Variants in BNC2 observed in about 807,000 individuals in gnomAD.
BNC2 encodes zinc finger protein basonuclin-2.
In BNC2, 20 loss-of-function variants were observed where a neutral mutation model predicts 76.3. The ratio of observed to expected loss-of-function variants is 0.26; its 90% CI spans 0.18 to 0.38. The LOEUF (loss-of-function observed/expected upper bound fraction) is 0.38. Among genes scored for constraint, BNC2 ranks in the 10% least tolerant of loss-of-function variants. BNC2 has a pLI of 1.00. For missense variants in BNC2, 1,382 were observed against 1,399.8 expected (o/e 0.99, Z 0.20); for synonymous variants, 582 against 514.8 (o/e 1.13, Z -1.77).
intron 1 of BNC2, among the ~76,000 whole-genome samples, chr9:16,836,052 A>G (rs1412799480): frequency 2.6e-5 from 4 of 152,320 alleles, no homozygotes; most frequent in African/African-American, 7.2e-5. Flanking sequence ...AACACGAGGT[A>G]GTGAGTTTAA....
intron 5 of BNC2, among the ~76,000 whole-genome samples, chr9:16,551,913 T>A (rs1587160536): frequency 6.6e-6 from 1 of 152,224 alleles, no homozygotes; most frequent in East Asian, 1.9e-4. Context: ...AAGGAGACAC[T>A]CAAGGCTGGA....
chr9:16,694,611 G>A (rs939124015), intron 3 of BNC2, among the ~76,000 whole-genome samples: 2 of 152,098 alleles, frequency 1.3e-5, no homozygotes, highest in African/African-American at 4.8e-5. Flanking sequence ...TTCTGCCAAG[G>A]CTCATAATGT....
intron 5 of BNC2, among the ~76,000 whole-genome samples, chr9:16,551,065 T>C (rs140808857): frequency 9.7e-4 from 147 of 152,296 alleles, no homozygotes; most frequent in African/African-American, 3.4e-3. Flanking sequence ...CCAAGACTTA[T>C]CTTCCTACTT....
intron 3 of BNC2, among the ~76,000 whole-genome samples, chr9:16,629,774 C>T (rs920504257): frequency 6.6e-6 from 1 of 152,154 alleles, no homozygotes; most frequent in African/African-American, 2.4e-5. Flanking sequence ...ATCTAAAATA[C>T]TTTATTGCTA....
chr9:16,582,832 A>C (rs1819662379), intron 4 of BNC2, 151 bp downstream of exon 4: 1 of 694,530 alleles, frequency 1.4e-6, no homozygotes. Flanking sequence ...GCTGAATCTT[A>C]ACTAACACTT....
chr9:16,751,680 A>ATG (rs1825212270), intron 1 of BNC2, among the ~76,000 whole-genome samples: 4 of 54,108 alleles, frequency 7.4e-5, no homozygotes, highest in East Asian at 5.8e-4. Flanking sequence ...GTGTATATAT[A>ATG]TATGTATGTG....
chr9:16,528,407 A>G (rs1369092331), intron 5 of BNC2, among the ~76,000 whole-genome samples: 3 of 152,208 alleles, frequency 2.0e-5, no homozygotes, highest in African/African-American at 7.2e-5. Flanking sequence ...TCAACTCAGT[A>G]TATATTGAGC....
intron 1 of BNC2, among the ~76,000 whole-genome samples, chr9:16,847,939 G>C (rs578118665): frequency 3.9e-5 from 6 of 152,284 alleles, no homozygotes; most frequent in African/African-American, 1.4e-4. Context: ...AATCCTGTAA[G>C]AAACCTGTGT....
chr9:16,828,414 A>C (rs1275020866), intron 1 of BNC2, among the ~76,000 whole-genome samples: 2 of 152,194 alleles, frequency 1.3e-5, no homozygotes, highest in African/African-American at 4.8e-5. Flanking sequence ...CTTCCCATGA[A>C]ATGAATATAA....
intron 5 of BNC2, among the ~76,000 whole-genome samples, chr9:16,474,041 C>A (rs1393024964): frequency 6.6e-6 from 1 of 152,168 alleles, no homozygotes; most frequent in Non-Finnish European, 1.5e-5. Context: ...TCTCCAAATT[C>A]TCTGGGTCTT....
Position 16,418,872 on chromosome 9 carries a change from T to TGC in BNC2, c.*115_*116dup, listed in dbSNP as rs891850002. On this transcript the variant is annotated 3_prime_UTR_variant, in exon 7 of 7. Transcript: ENST00000380672. Reference sequence around the variant, plus strand: ...TATGTAGCCACAGAGCATACATAAATGCACACACACACACACACACACACA... The same window carrying TGC: ...TATGTAGCCACAGAGCATACATAAATGCGCACACACACACACACACACACACA... The TGC allele has an allele frequency of 1.1e-3, 583 of 517,726 alleles. 2 individuals carry two copies. The highest frequency in any genetic ancestry group is 1.4e-3 in the Non-Finnish European group (504 of 363,154). The allele number at this position is 517,726 out of a possible 1,614,324, so 32.1% of individuals were successfully genotyped here. A position where few individuals can be genotyped will look rare whatever the true frequency, so the allele number is the denominator to read the frequency against.
At chr9:16,517,893 T>C (rs971477884) in intron 5 of BNC2, among the ~76,000 whole-genome samples, 19 of 152,150 alleles carry the variant, frequency 1.2e-4, no homozygotes, top group Non-Finnish European at 1.5e-4. Context: ...TTCTCAGCCA[T>C]ACTTCAGATG....
At chr9:16,854,049 C>T (rs1014470610) in intron 1 of BNC2, among the ~76,000 whole-genome samples, 4 of 152,084 alleles carry the variant, frequency 2.6e-5, no homozygotes, top group Admixed American at 6.6e-5. Context: ...GACACCAGGC[C>T]GGCAGGCTGC....
chr9:16,518,945 A>G (rs991350812), intron 5 of BNC2, among the ~76,000 whole-genome samples: 2 of 152,228 alleles, frequency 1.3e-5, no homozygotes, highest in African/African-American at 4.8e-5. Flanking sequence ...TGTCTTTATC[A>G]TATAGTTTGG....
intron 1 of BNC2, among the ~76,000 whole-genome samples, chr9:16,749,595 G>A (rs151322205): frequency 6.6e-6 from 1 of 152,056 alleles, no homozygotes; most frequent in Non-Finnish European, 1.5e-5. Flanking sequence ...TACTACTCAG[G>A]AGGCTGAGGT....
rs148453086 is a variant in BNC2, at chr9:16,792,221, C to T, written c.4-53736G>A. 2.8e-4 allele frequency among the ~76,000 whole-genome samples: 39 copies of T among 138,808 alleles called. 1 individual carries two copies. Among genetic ancestry groups the T allele is most frequent in the African/African-American group, 9.8e-4 (36 of 36,800 alleles). 91.1% of individuals were successfully genotyped at this position (138,808 alleles called of 152,430 possible). ...CACTTACAATCCTCATGACAACCTA[C>T]GTGATCAGTTGCATTATAACCCCCA... is the stretch of plus-strand genomic sequence containing the variant. On this transcript the variant is annotated intron_variant, in intron 1 of 6. Coordinates refer to ENST00000380672, the MANE Select transcript of BNC2 (RefSeq NM_017637.6).
chr9:16,517,820 G>A (rs1817484915), intron 5 of BNC2, among the ~76,000 whole-genome samples: 1 of 152,070 alleles, frequency 6.6e-6, no homozygotes, highest in Admixed American at 6.6e-5. Context: ...TTCTAAAGCA[G>A]GGTGGACAAG....
chr9:16,706,541 A>T (rs1053547267), intron 3 of BNC2, among the ~76,000 whole-genome samples: 1 of 152,216 alleles, frequency 6.6e-6, no homozygotes, highest in African/African-American at 2.4e-5. Flanking sequence ...TAAAATACAA[A>T]ATGATGATCT....
intron 1 of BNC2, among the ~76,000 whole-genome samples, chr9:16,843,802 G>T (rs1403562169): frequency 6.6e-6 from 1 of 152,172 alleles, no homozygotes; most frequent in African/African-American, 2.4e-5. Context: ...ACTCCCAATT[G>T]AATAGTATTT....
Sources: allele counts gnomAD v4.1 joint callset (sites outside exome capture counted in the v4.1 genomes callset), GRCh38; gene constraint gnomAD v4.1.1; transcripts MANE v1.5; gene names NCBI Gene and HGNC (gene_info 2026-07-23, HGNC 2026-07-21).